ABCF2: variants seen among roughly 807,000 people sequenced by gnomAD.
ABCF2 encodes the protein ATP-binding cassette sub-family F member 2.
A neutral mutation model predicts 76.9 loss-of-function variants in ABCF2; 37 were observed. The ratio of observed to expected loss-of-function variants is 0.48; its 90% CI spans 0.37 to 0.63. The LOEUF (loss-of-function observed/expected upper bound fraction) is 0.63, where lower values mean the gene tolerates loss of function less well. Ranked by LOEUF, ABCF2 falls within the 30% of genes least tolerant of loss-of-function variation. The probability of loss-of-function intolerance (pLI) is 0.00; values close to 1 mark genes in which losing one functional copy is unlikely to be tolerated. For synonymous variants in ABCF2, 299 were observed against 283.7 expected, an observed-to-expected ratio of 1.05 and a Z score of -0.54; for missense variants, 524 against 782.1, an observed-to-expected ratio of 0.67 and a Z score of 3.94.
At position 151,213,388 on chromosome 7, in the gene ABCF2, T is replaced by A; in HGVS notation, c.*666A>T. On this transcript the variant is annotated 3_prime_UTR_variant, in exon 15 of 15. Transcript: ENST00000287844. Reference sequence around the variant, plus strand: ...AGGGACAAAGTTCTTCCAGCTCCTATGGACTAGTCTTCAGTTCCCATCGAC... The same window carrying A: ...AGGGACAAAGTTCTTCCAGCTCCTAAGGACTAGTCTTCAGTTCCCATCGAC... The A allele has an allele frequency of 1.0e-6, 1 of 985,370 alleles. No homozygotes were observed. 61.0% of individuals were successfully genotyped at this position (985,370 alleles called of 1,614,324 possible).
At position 151,221,668 on chromosome 7, in the gene ABCF2, G is replaced by A. The variant is rs774274922; in HGVS notation, c.831C>T (p.Ile277=). ...CCTGGGAATGGGAGACGAGGACCAA[G>A]ATGCGCTTAAAACTGTAAAGCCAAA... ...LEEELKTFKR[I]LVLVSHSQDF... The change falls in exon 7 of 15, where the codon ATC becomes ATT. Residue 277 remains isoleucine (I), a synonymous_variant. Transcript: ENST00000287844. The A allele has an allele frequency of 3.1e-6, 5 of 1,611,102 alleles. No individual in the cohort carries two copies. Among genetic ancestry groups the A allele is most frequent in the Middle Eastern group, 1.7e-4 (1 of 6,054 alleles).
chr7:151,221,059 A>G (rs1406925160), intron 7 of ABCF2, among the ~76,000 whole-genome samples: 4 of 152,246 alleles, frequency 2.6e-5, no homozygotes, highest in African/African-American at 7.2e-5. Context: ...CAAGGCAAAC[A>G]TACACCTTGT....
Position 151,215,056 on chromosome 7 carries a change from G to A in ABCF2, c.1557C>T (p.Asp519=), listed in dbSNP as rs545658338. The A allele has an allele frequency of 3.6e-5, 58 of 1,613,900 alleles. No homozygotes were observed. The highest frequency in any genetic ancestry group is 2.7e-4 in the East Asian group (12 of 44,874). ...CCAGACACACTCGGCACTTCTGCCC[G>A]TCTGACAAGTTCCGGATTGGGCTCA... ...QQVSPIRNLS[D]GQKCRVCLAW... Residue 519 remains aspartate (D), a synonymous_variant, in exon 14 of 15, where the codon GAC becomes GAT. Transcript: ENST00000287844. This position sits in a 1 kb window ranked among gnomAD's most constrained non-coding sequence, Gnocchi z 4.6.
intron 11 of ABCF2, among the ~76,000 whole-genome samples, chr7:151,216,556 G>A (rs531520934): frequency 2.0e-5 from 3 of 152,272 alleles, no homozygotes; most frequent in African/African-American, 4.8e-5. Context: ...AGGGAGTCTC[G>A]CTCTGTTGCC....
Position 151,215,560 on chromosome 7 carries a change from TC to T in ABCF2, c.1530+43del. Reference sequence around the variant, plus strand: ...TATCCCCTGACCCACCCAGCCACAGTCTGCCAGCTATCTGGCATCCTCACCA... The same window carrying T: ...TATCCCCTGACCCACCCAGCCACAGTTGCCAGCTATCTGGCATCCTCACCA... On this transcript the variant is annotated intron_variant, in intron 13 of 14. Coordinates refer to ENST00000287844, the MANE Select transcript of ABCF2 (RefSeq NM_007189.3). This position sits in a 1 kb window ranked among gnomAD's most constrained non-coding sequence, Gnocchi z 4.6. 6.2e-7 allele frequency: 1 copy of T among 1,609,972 alleles called. No individual in the cohort carries two copies. Among genetic ancestry groups the T allele is most frequent in the Non-Finnish European group, 8.5e-7 (1 of 1,177,876 alleles).
Position 151,212,616 on chromosome 7 carries a change from G to T in ABCF2, c.*1438C>A. 1 of 407,800 alleles carries T rather than the reference G, an allele frequency of 2.5e-6. No individual in the cohort carries two copies. Among genetic ancestry groups the T allele is most frequent in the Non-Finnish European group, 3.3e-6 (1 of 302,528 alleles). The allele number at this position is 407,800 out of a possible 1,614,324, so 25.3% of individuals were successfully genotyped here. ...GGCTCAAGTGAGCCTCCTCTTATCA[G>T]AGCAGCTGGGACCGCAGGCACATGC... On this transcript the variant is annotated 3_prime_UTR_variant, in exon 15 of 15. Coordinates refer to ENST00000287844, the MANE Select transcript of ABCF2 (RefSeq NM_007189.3).
Position 151,213,920 on chromosome 7 carries a change from G to A in ABCF2, c.*134C>T, listed in dbSNP as rs992886086. On this transcript the variant is annotated 3_prime_UTR_variant, in exon 15 of 15. Transcript: ENST00000287844. ...GAGTGCAGCTAAGGCAGGTTGAGGG[G>A]CAGGGGAGAGGCTGGGGGAGCAGTA... 1 of 1,484,220 alleles carries A rather than the reference G, an allele frequency of 6.7e-7. No individual in the cohort carries two copies. Among genetic ancestry groups the A allele is most frequent in the Non-Finnish European group, 8.9e-7 (1 of 1,126,004 alleles). The allele number at this position is 1,484,220 out of a possible 1,614,324, so 91.9% of individuals were successfully genotyped here.
chr7:151,219,633 A>G (rs2150574344), intron 7 of ABCF2, among the ~76,000 whole-genome samples: 1 of 152,346 alleles, frequency 6.6e-6, no homozygotes, highest in Middle Eastern at 3.4e-3. Context: ...GCAAACAAAA[A>G]CTGGACTCAA....
rs1045491710 is a variant in ABCF2 at position 151,212,106 on chromosome 7, A to G, written c.*1948T>C. On this transcript the variant is annotated 3_prime_UTR_variant, in exon 15 of 15. Transcript: ENST00000287844. ...GTCTTACTGGCTTTCCAAGAAGATC[A>G]TGAGCTCCTAAGGGGTTTAAGCACC... The G allele has an allele frequency of 1.0e-6, 1 of 981,674 alleles. No homozygotes were observed. The highest frequency in any genetic ancestry group is 1.7e-5 in the African/African-American group (1 of 57,168). The allele number at this position is 981,674 out of a possible 1,614,324, so 60.8% of individuals were successfully genotyped here. A position where few individuals can be genotyped will look rare whatever the true frequency, so the allele number is the denominator to read the frequency against.
intron 7 of ABCF2, among the ~76,000 whole-genome samples, chr7:151,220,868 G>C (rs1229256520): frequency 6.6e-6 from 1 of 152,226 alleles, no homozygotes; most frequent in Non-Finnish European, 1.5e-5. Context: ...CATGCCTGTA[G>C]TCCCAGCTAC....
At position 151,215,623 on chromosome 7, in the gene ABCF2, C is replaced by A. The variant is rs1392145598; in HGVS notation, c.1511G>T (p.Gly504Val). The change falls in exon 13 of 15, where the codon GGT becomes GTT. Residue 504 changes from glycine (G) to valine (V), a missense_variant. Gly to Val is a moderately radical substitution (Grantham distance 109). Coordinates refer to ENST00000287844, the MANE Select transcript of ABCF2 (RefSeq NM_007189.3). The surrounding 1 kb of genome is among the most constrained non-coding windows in gnomAD (Gnocchi z 4.6). Reference sequence around the variant, plus strand: ...ACTGACCTGTTGTTTCCCAGTGAGACCGTATCGCCCAATGATCTTCCTCAT... The same window carrying A: ...ACTGACCTGTTGTTTCCCAGTGAGAACGTATCGCCCAATGATCTTCCTCAT... ...EEMRKIIGRY[G>V]LTGKQQVSPI... 6.2e-7 allele frequency: 1 copy of A among 1,614,104 alleles called. No homozygotes were observed. The highest frequency in any genetic ancestry group is 8.5e-7 in the Non-Finnish European group (1 of 1,180,002).
intron 11 of ABCF2, among the ~76,000 whole-genome samples, chr7:151,216,784 G>A (rs1802160457): frequency 6.6e-6 from 1 of 152,188 alleles, no homozygotes; most frequent in African/African-American, 2.4e-5. Context: ...AAAGCACTGG[G>A]ATTACAGGTG....
rs1438952105 is a variant in ABCF2, at chr7:151,212,426, A to G, written c.*1628T>C. 2.0e-6 allele frequency: 2 copies of G among 985,346 alleles called. No individual in the cohort carries two copies. The highest frequency in any genetic ancestry group is 2.4e-6 in the Non-Finnish European group (2 of 829,946). The allele number at this position is 985,346 out of a possible 1,614,324, so 61.0% of individuals were successfully genotyped here. The stretch of plus-strand genomic sequence containing the variant: ...TCACAGACGTTGGTGTGAAAATGCA[A>G]ACTCCTGGCCATCTCTGCACCTCTC... On this transcript the variant is annotated 3_prime_UTR_variant, in exon 15 of 15. Coordinates refer to ENST00000287844, the MANE Select transcript of ABCF2 (RefSeq NM_007189.3).
Position 151,213,958 on chromosome 7 carries a change from A to G in ABCF2, c.*96T>C, listed in dbSNP as rs796884463. ...TGGGGGAGCAGTATTGCAGCAATGC[A>G]GGAGTGTAGCCCCAGGGTCCTGTCC... On this transcript the variant is annotated 3_prime_UTR_variant, in exon 15 of 15. Transcript: ENST00000287844. 2 of 1,552,944 alleles carry G rather than the reference A, an allele frequency of 1.3e-6. No homozygotes were observed. The highest frequency in any genetic ancestry group is 1.7e-6 in the Non-Finnish European group (2 of 1,156,346).
At position 151,214,823 on chromosome 7, in the gene ABCF2, C is replaced by A; in HGVS notation, c.1734+56G>T. ...ATGCACCCTCCACATGCCATGACTA[C>A]CCTACCCAACCCCCTAGAAGCTCTG... On this transcript the variant is annotated intron_variant, in intron 14 of 14. Transcript: ENST00000287844. The surrounding 1 kb of genome is among the most constrained non-coding windows in gnomAD (Gnocchi z 4.9). 1 of 1,565,806 alleles carries A rather than the reference C, an allele frequency of 6.4e-7. No homozygotes were observed. The highest frequency in any genetic ancestry group is 8.8e-7 in the Non-Finnish European group (1 of 1,137,248).
rs149289809 is a variant in ABCF2, at chr7:151,218,126, G to A, written c.1293C>T (p.Pro431=). Residue 431 remains proline (P), a synonymous_variant, in exon 11 of 15, where the codon CCC becomes CCT. Transcript: ENST00000287844. ...GAAGAGTTGACTTCCCTGCTCCATTGGGCCCTACCAGAGCCACTCGTGTGT... is the reference window on the plus strand; with the variant it reads ...GAAGAGTTGACTTCCCTGCTCCATTAGGCCCTACCAGAGCCACTCGTGTGT... The part of the protein sequence containing the change: ...DLDTRVALVG[P]NGAGKSTLLK... The A allele has an allele frequency of 3.0e-5, 48 of 1,614,138 alleles. No homozygotes were observed. In the African/African-American group the frequency reaches 5.9e-4, roughly 20 times the overall value.
chr7:151,212,622 C>T lies in ABCF2; in HGVS notation c.*1432G>A. On this transcript the variant is annotated 3_prime_UTR_variant, in exon 15 of 15. Coordinates refer to ENST00000287844, the MANE Select transcript of ABCF2 (RefSeq NM_007189.3). ...AGTGAGCCTCCTCTTATCAGAGCAG[C>T]TGGGACCGCAGGCACATGCTACTAT... The T allele has an allele frequency of 2.8e-6, 1 of 362,274 alleles. No individual in the cohort carries two copies. The allele number at this position is 362,274 out of a possible 1,614,324, so 22.4% of individuals were successfully genotyped here.
chr7:151,214,033 A>T lies in ABCF2; in HGVS notation c.*21T>A, dbSNP rs764501611. ...TGTTAGTTCCCAGATGGAGCTCCTGACCCGAACCCAGGTAGAGGGCTCACA... is the reference window on the plus strand; with the variant it reads ...TGTTAGTTCCCAGATGGAGCTCCTGTCCCGAACCCAGGTAGAGGGCTCACA... On this transcript the variant is annotated 3_prime_UTR_variant, in exon 15 of 15. Coordinates refer to ENST00000287844, the MANE Select transcript of ABCF2 (RefSeq NM_007189.3). This position sits in a 1 kb window ranked among gnomAD's most constrained non-coding sequence, Gnocchi z 4.9. 2.5e-6 allele frequency: 4 copies of T among 1,611,274 alleles called. No individual in the cohort carries two copies. The highest frequency in any genetic ancestry group is 3.4e-6 in the Non-Finnish European group (4 of 1,179,176).
rs761524129 is a variant in ABCF2 at position 151,214,035 on chromosome 7, C to G, written c.*19G>C. On this transcript the variant is annotated 3_prime_UTR_variant, in exon 15 of 15. Coordinates refer to ENST00000287844, the MANE Select transcript of ABCF2 (RefSeq NM_007189.3). The surrounding 1 kb of genome is among the most constrained non-coding windows in gnomAD (Gnocchi z 4.9). Reference sequence around the variant, plus strand: ...TTAGTTCCCAGATGGAGCTCCTGACCCGAACCCAGGTAGAGGGCTCACACG... The same window carrying G: ...TTAGTTCCCAGATGGAGCTCCTGACGCGAACCCAGGTAGAGGGCTCACACG... 1 of 1,611,770 alleles carries G rather than the reference C, an allele frequency of 6.2e-7. No individual in the cohort carries two copies. The highest frequency in any genetic ancestry group is 8.5e-7 in the Non-Finnish European group (1 of 1,179,346).
Sources: gnomAD v4.1 joint callset for allele counts (sites outside exome capture counted in the v4.1 genomes callset) on GRCh38, gnomAD v4.1.1 for gene constraint, Gnocchi (gnomAD v3.1) non-coding constraint, MANE v1.5 for transcripts, NCBI Gene and HGNC (gene_info 2026-07-23, HGNC 2026-07-21) for gene names.